Variants in FKBP4 observed in about 807,000 individuals in gnomAD.
FKBP4 encodes the protein FKBP prolyl isomerase 4.
In FKBP4, 28 loss-of-function variants were observed where a neutral mutation model predicts 54.1. That is an observed-to-expected ratio of 0.52 (90% CI 0.38 to 0.71). The LOEUF (loss-of-function observed/expected upper bound fraction) is 0.71, where lower values mean the gene tolerates loss of function less well. FKBP4 is among the 30% of genes least tolerant of loss of function. The pLI, the probability that FKBP4 is intolerant of heterozygous loss-of-function variation, is 0.00. For missense variants in FKBP4, 493 were observed against 574.4 expected (o/e 0.86, Z 1.45); for synonymous variants, 223 against 216.1 (o/e 1.03, Z -0.28).
chr12:2,798,360 G>A lies in FKBP4; in HGVS notation c.394-346G>A, dbSNP rs1460528933. Among the ~76,000 whole-genome samples the A allele has an allele frequency of 6.6e-6, 1 of 152,216 alleles. No homozygotes were observed. Among genetic ancestry groups the A allele is most frequent in the African/African-American group, 2.4e-5 (1 of 41,448 alleles). On this transcript the variant is annotated intron_variant, in intron 3 of 9. Coordinates refer to ENST00000001008, the MANE Select transcript of FKBP4 (RefSeq NM_002014.4). The surrounding 1 kb of genome is among the most constrained non-coding windows in gnomAD (Gnocchi z 4.3). ...GAATACTGAGAAACTGCTGAGAGAT[G>A]TTGGGTAATCATTTCTAATACCTAC...
chr12:2,805,071 G>A lies in FKBP4; in HGVS notation c.*1813G>A. Reference sequence around the variant, plus strand: ...AATCACTAACTCAAGCATTTATGGAGTAAGCCTAGCACTGTACTGACAGCA... The same window carrying A: ...AATCACTAACTCAAGCATTTATGGAATAAGCCTAGCACTGTACTGACAGCA... On this transcript the variant is annotated 3_prime_UTR_variant, in exon 10 of 10. Transcript: ENST00000001008. 1 of 381,670 alleles carries A rather than the reference G, an allele frequency of 2.6e-6. No individual in the cohort carries two copies. The highest frequency in any genetic ancestry group is 3.6e-4 in the Middle Eastern group (1 of 2,762). The allele number at this position is 381,670 out of a possible 1,614,324, so 23.6% of individuals were successfully genotyped here.
intron 1 of FKBP4, chr12:2,796,296 G>A: frequency 7.8e-7 from 1 of 1,289,182 alleles, no homozygotes; most frequent in African/African-American, 1.5e-5. Flanking sequence ...CTGCTCCAGC[G>A]GCTCTCCTGT....
intron 9 of FKBP4, among the ~76,000 whole-genome samples, chr12:2,802,598 T>C (rs2097905448): frequency 3.9e-5 from 6 of 152,266 alleles, no homozygotes; most frequent in Non-Finnish European, 8.8e-5. Context: ...ATCCAATGTA[T>C]ATTTTGCACT....
intron 1 of FKBP4, chr12:2,796,431 C>T (rs2097901906): frequency 7.9e-7 from 1 of 1,269,490 alleles, no homozygotes; most frequent in Non-Finnish European, 1.0e-6. Flanking sequence ...CCTCAAAGCC[C>T]CTGTCTATTC....
In FKBP4 at chr12:2,795,027, T is replaced by A; in HGVS notation, c.-113T>A. On this transcript the variant is annotated 5_prime_UTR_variant, in exon 1 of 10. Transcript: ENST00000001008. The surrounding 1 kb of genome is among the most constrained non-coding windows in gnomAD (Gnocchi z 4.3). ...GCTCAAGCCTCCTCGCGGTCCGCAG[T>A]CAGTGCCGCCGCGCCCGGCCTCCCG... 1 of 503,784 alleles carries A rather than the reference T, an allele frequency of 2.0e-6. No homozygotes were observed. Among genetic ancestry groups the A allele is most frequent in the Non-Finnish European group, 3.0e-6 (1 of 335,794 alleles). 31.2% of individuals were successfully genotyped at this position (503,784 alleles called of 1,614,324 possible). A position where few individuals can be genotyped will look rare whatever the true frequency, so the allele number is the denominator to read the frequency against.
At chr12:2,802,138 A>G (rs954308350) in intron 9 of FKBP4, among the ~76,000 whole-genome samples, 4 of 151,118 alleles carry the variant, frequency 2.6e-5, no homozygotes, top group African/African-American at 9.7e-5. Flanking sequence ...CAGTGGTTTT[A>G]TTTTTTTTCT....
At chr12:2,800,949 T>A (rs180735107) in intron 8 of FKBP4, among the ~76,000 whole-genome samples, 168 bp from the exon 9 acceptor site, 151 of 152,134 alleles carry the variant, frequency 9.9e-4, no homozygotes, top group African/African-American at 3.3e-3. Context: ...TTAAATGAGG[T>A]CCCTGGATTG....
rs1417882943 is a variant in FKBP4, at chr12:2,797,333, G to A, written c.250+51G>A. On this transcript the variant is annotated intron_variant, in intron 2 of 9. Transcript: ENST00000001008. ...GATAGGTTCGAGGTGGACACAAGCTGTCACAAGCAGAAACCATTTTCTCAG... is the reference window on the plus strand; with the variant it reads ...GATAGGTTCGAGGTGGACACAAGCTATCACAAGCAGAAACCATTTTCTCAG... 4 of 1,603,920 alleles carry A rather than the reference G, an allele frequency of 2.5e-6. No individual in the cohort carries two copies. The African/African-American group carries it at 4.0e-5, about 16-fold the overall frequency.
intron 9 of FKBP4, among the ~76,000 whole-genome samples, chr12:2,802,332 T>C (rs1440893107): frequency 6.6e-6 from 1 of 151,960 alleles, no homozygotes; most frequent in African/African-American, 2.4e-5. Flanking sequence ...CAGACGAAGT[T>C]TCATCATGTT....
chr12:2,797,072 A>G lies in FKBP4; in HGVS notation c.106-66A>G, dbSNP rs551505808. 1.4e-5 allele frequency: 23 copies of G among 1,597,524 alleles called. No individual in the cohort carries two copies. In the East Asian group the frequency reaches 4.9e-4, roughly 34 times the overall value. ...CTTTATGTTCCCTCTGGAGGCTTGC[A>G]GGCAGTGCTGGTGCCCCTTTCTGCC... On this transcript the variant is annotated intron_variant, in intron 1 of 9. Transcript: ENST00000001008.
At chr12:2,802,723 GTGTTC>G (rs2097905540) in intron 9 of FKBP4, among the ~76,000 whole-genome samples, 1 of 152,148 alleles carries the variant, frequency 6.6e-6, no homozygotes, top group Admixed American at 6.5e-5. Context: ...ACATATACAA[GTGTTC>G]TGTTTTGTTT....
rs1428559537 is a variant in FKBP4 at position 2,804,418 on chromosome 12, G to A, written c.*1160G>A. 6.6e-6 allele frequency: 1 copy of A among 152,208 alleles called. No individual in the cohort carries two copies. The highest frequency in any genetic ancestry group is 1.5e-5 in the Non-Finnish European group (1 of 68,046). 9.4% of individuals were successfully genotyped at this position (152,208 alleles called of 1,614,324 possible). On this transcript the variant is annotated 3_prime_UTR_variant, in exon 10 of 10. Transcript: ENST00000001008. ...CTGTCAGATAACTTACATGATTAAG[G>A]TTAAGAGTAAAGCAGAGTGTTCACG... is the stretch of plus-strand genomic sequence containing the variant.
intron 6 of FKBP4, 43 bp from the exon 7 acceptor site, chr12:2,799,996 C>G (rs1314831740): frequency 6.2e-7 from 1 of 1,612,800 alleles, no homozygotes; most frequent in Non-Finnish European, 8.5e-7. Context: ...GTACGTGACT[C>G]TGGGGTAGCT....
In FKBP4 at chr12:2,799,337, T is replaced by A. The variant is rs528484196; in HGVS notation, c.671+93T>A. The stretch of plus-strand genomic sequence containing the variant: ...TAGAACCAGCTGTTTGTATCCTTTT[T>A]AACTCTGGCCACACCAAACATACAC... On this transcript the variant is annotated intron_variant, in intron 5 of 9. Coordinates refer to ENST00000001008, the MANE Select transcript of FKBP4 (RefSeq NM_002014.4). 3 of 1,346,812 alleles carry A rather than the reference T, an allele frequency of 2.2e-6. No homozygotes were observed. In the South Asian group the frequency reaches 5.3e-5, roughly 24 times the overall value. The allele number at this position is 1,346,812 out of a possible 1,614,324, so 83.4% of individuals were successfully genotyped here. A position where few individuals can be genotyped will look rare whatever the true frequency, so the allele number is the denominator to read the frequency against.
rs2097902840 is a variant in FKBP4, at chr12:2,798,017, C to T, written c.393+146C>T. 1 of 985,626 alleles carries T rather than the reference C, an allele frequency of 1.0e-6. No individual in the cohort carries two copies. Among genetic ancestry groups the T allele is most frequent in the Admixed American group, 2.6e-5 (1 of 39,204 alleles). 61.1% of individuals were successfully genotyped at this position (985,626 alleles called of 1,614,324 possible). A position where few individuals can be genotyped will look rare whatever the true frequency, so the allele number is the denominator to read the frequency against. Reference sequence around the variant, plus strand: ...CTTATGGGAGGAGAAATGCAGAGGGCTCTGCTGCTGCTAGTAATGGAAGTA... The same window carrying T: ...CTTATGGGAGGAGAAATGCAGAGGGTTCTGCTGCTGCTAGTAATGGAAGTA... On this transcript the variant is annotated intron_variant, in intron 3 of 9. Coordinates refer to ENST00000001008, the MANE Select transcript of FKBP4 (RefSeq NM_002014.4). This position sits in a 1 kb window ranked among gnomAD's most constrained non-coding sequence, Gnocchi z 4.3.
rs191161145 is a variant in FKBP4 at position 2,801,475 on chromosome 12, C to T, written c.1272+119C>T. 5.0e-5 allele frequency: 72 copies of T among 1,440,822 alleles called. No homozygotes were observed. The African/African-American group carries it at 7.7e-4, about 15-fold the overall frequency. The allele number at this position is 1,440,822 out of a possible 1,614,324, so 89.3% of individuals were successfully genotyped here. A position where few individuals can be genotyped will look rare whatever the true frequency, so the allele number is the denominator to read the frequency against. Reference sequence around the variant, plus strand: ...CCGGAAACCAGAAGTTGCCTTTTCCCTGGAGCATTAAGGAGCACGTGTTCC... The same window carrying T: ...CCGGAAACCAGAAGTTGCCTTTTCCTTGGAGCATTAAGGAGCACGTGTTCC... On this transcript the variant is annotated intron_variant, in intron 9 of 9. Coordinates refer to ENST00000001008, the MANE Select transcript of FKBP4 (RefSeq NM_002014.4).
At chr12:2,803,063 TG>T (rs1252151268) in intron 9 of FKBP4, 87 bp from the exon 10 acceptor site, 3 of 916,570 alleles carry the variant, frequency 3.3e-6, no homozygotes, top group African/African-American at 3.3e-5. Flanking sequence ...TGTAGGAGAA[TG>T]GGTGTATCTG....
intron 5 of FKBP4, 102 bp downstream of exon 5, chr12:2,799,346 C>A: frequency 8.2e-7 from 1 of 1,219,410 alleles, no homozygotes; most frequent in Non-Finnish European, 1.1e-6. Context: ...TTAACTCTGG[C>A]CACACCAAAC....
chr12:2,801,780 G>C, intron 9 of FKBP4: 1 of 342,856 alleles, frequency 2.9e-6, no homozygotes, highest in South Asian at 2.2e-5. Context: ...GATGCTTTTT[G>C]TGTGTGATTA....
Sources: gnomAD v4.1 joint callset for allele counts (sites outside exome capture counted in the v4.1 genomes callset) on GRCh38, gnomAD v4.1.1 for gene constraint, Gnocchi (gnomAD v3.1) non-coding constraint, MANE v1.5 for transcripts, NCBI Gene and HGNC (gene_info 2026-07-23, HGNC 2026-07-21) for gene names.